Variants in NPR2 observed in about 807,000 individuals in gnomAD.
The protein encoded by NPR2 is atrial natriuretic peptide receptor 2.
In NPR2, 49 loss-of-function variants were observed where a neutral mutation model predicts 120.7. The observed-to-expected ratio is 0.41, with a 90% CI of 0.32 to 0.52. NPR2 has a LOEUF of 0.52. NPR2 is among the 20% of genes least tolerant of loss of function. The pLI is 0.36. For missense variants in NPR2, 931 were observed against 1,362.9 expected (o/e 0.68, Z 4.99); for synonymous variants, 484 against 519.8 (o/e 0.93, Z 0.94).
intron 2 of NPR2, among the ~76,000 whole-genome samples, chr9:35,798,553 G>A (rs1385291420): frequency 6.6e-6 from 1 of 152,152 alleles, no homozygotes; most frequent in Non-Finnish European, 1.5e-5. Flanking sequence ...CTAGTGCAGC[G>A]TATCTCTATG....
At chr9:35,801,445 C>G (rs1828153141) in intron 7 of NPR2, among the ~76,000 whole-genome samples, 198 bp from the exon 8 acceptor site, 1 of 152,212 alleles carries the variant, frequency 6.6e-6, no homozygotes, top group Non-Finnish European at 1.5e-5. Context: ...AGAACTTTCA[C>G]CCCCAGTCTC....
rs1828414301 is a variant in NPR2, at chr9:35,806,874, A to G, written c.2520-149A>G. The G allele has an allele frequency of 1.1e-6, 1 of 870,318 alleles. No individual in the cohort carries two copies. 53.9% of individuals were successfully genotyped at this position (870,318 alleles called of 1,614,324 possible). On this transcript the variant is annotated intron_variant, in intron 16 of 21. Transcript: ENST00000342694. This position sits in a 1 kb window ranked among gnomAD's most constrained non-coding sequence, Gnocchi z 4.6. ...TGTGCCTTACCTTGCATTAGACTGT[A>G]ATGTCTTCCCAGCCACTTTCCTCCC...
intron 3 of NPR2, 115 bp downstream of exon 3, chr9:35,799,846 C>T: frequency 7.3e-7 from 1 of 1,374,016 alleles, no homozygotes; most frequent in Non-Finnish European, 1.0e-6. Flanking sequence ...GGGGTCTCCG[C>T]TTCTGTCCAG....
intron 12 of NPR2, among the ~76,000 whole-genome samples, chr9:35,804,565 A>G (rs1480515180): frequency 6.6e-6 from 1 of 152,186 alleles, no homozygotes; most frequent in Non-Finnish European, 1.5e-5. Flanking sequence ...TCGGAGGCAA[A>G]GGTTTTTCCC....
At chr9:35,801,417 T>C (rs1371149895) in intron 7 of NPR2, among the ~76,000 whole-genome samples, 1 of 152,262 alleles carries the variant, frequency 6.6e-6, no homozygotes, top group African/African-American at 2.4e-5. Context: ...GAATTTTCCA[T>C]TGGTCTTCTT....
Position 35,809,473 on chromosome 9 carries a change from C to A in NPR2, c.*28C>A. ...CCCCATTCTTTCCAAGTCAGATAGTCTTCTGCTGCTGGTACCTGGGTGGGC... is the reference window on the plus strand; with the variant it reads ...CCCCATTCTTTCCAAGTCAGATAGTATTCTGCTGCTGGTACCTGGGTGGGC... On this transcript the variant is annotated 3_prime_UTR_variant, in exon 22 of 22. Transcript: ENST00000342694. This position sits in a 1 kb window ranked among gnomAD's most constrained non-coding sequence, Gnocchi z 4.1. 1 of 1,614,198 alleles carries A rather than the reference C, an allele frequency of 6.2e-7. No homozygotes were observed. Among genetic ancestry groups the A allele is most frequent in the Non-Finnish European group, 8.5e-7 (1 of 1,180,038 alleles).
Position 35,807,405 on chromosome 9 carries a change from G to C in NPR2, c.2712+7G>C. 1 of 1,079,898 alleles carries C rather than the reference G, an allele frequency of 9.3e-7. No homozygotes were observed. Among genetic ancestry groups the C allele is most frequent in the Non-Finnish European group, 1.3e-6 (1 of 790,782 alleles). 66.9% of individuals were successfully genotyped at this position (1,079,898 alleles called of 1,614,324 possible). A position where few individuals can be genotyped will look rare whatever the true frequency, so the allele number is the denominator to read the frequency against. On this transcript the variant is annotated splice_region_variant and intron_variant, in intron 18 of 21. Transcript: ENST00000342694. ...CAACTTTGATGTCTACAAGGTGAGA[G>C]CTGGGGCCGCTGTTCAATAGAAGAC...
intron 2 of NPR2, among the ~76,000 whole-genome samples, chr9:35,796,788 T>G (rs1827957765): frequency 6.6e-6 from 1 of 152,040 alleles, no homozygotes; most frequent in Non-Finnish European, 1.5e-5. Flanking sequence ...CACCTTCCAA[T>G]GGGGAAGCAG....
chr9:35,800,570 G>A lies in NPR2; in HGVS notation c.1218+87G>A. The A allele has an allele frequency of 6.4e-7, 1 of 1,568,436 alleles. No individual in the cohort carries two copies. The highest frequency in any genetic ancestry group is 1.7e-5 in the Admixed American group (1 of 59,574). ...AGTCGGGGCAGAACCAAAACTACTA[G>A]ATGAGGGATTTGTTTTCTCTGCTGG... On this transcript the variant is annotated intron_variant, in intron 5 of 21. Transcript: ENST00000342694. The surrounding 1 kb of genome is among the most constrained non-coding windows in gnomAD (Gnocchi z 4.7).
chr9:35,809,451 C>G lies in NPR2; in HGVS notation c.*6C>G, dbSNP rs1828639047. The G allele has an allele frequency of 3.1e-6, 5 of 1,614,076 alleles. No individual in the cohort carries two copies. Among genetic ancestry groups the G allele is most frequent in the Admixed American group, 3.3e-5 (2 of 60,008 alleles). On this transcript the variant is annotated 3_prime_UTR_variant, in exon 22 of 22. Transcript: ENST00000342694. This position sits in a 1 kb window ranked among gnomAD's most constrained non-coding sequence, Gnocchi z 4.1. The stretch of plus-strand genomic sequence containing the variant: ...GACCTCCTGGACTCCTGTAAACCCC[C>G]ATTCTTTCCAAGTCAGATAGTCTTC...
chr9:35,797,571 T>C (rs1220699638), intron 2 of NPR2, among the ~76,000 whole-genome samples: 1 of 152,084 alleles, frequency 6.6e-6, no homozygotes, highest in Non-Finnish European at 1.5e-5. Flanking sequence ...GGGTGCACAT[T>C]TCCTAGGTGT....
chr9:35,797,598 C>T (rs1245856703), intron 2 of NPR2, among the ~76,000 whole-genome samples: 2 of 152,194 alleles, frequency 1.3e-5, no homozygotes, highest in Non-Finnish European at 2.9e-5. Flanking sequence ...GGCACCCACC[C>T]ACCACTGCAC....
Position 35,808,902 on chromosome 9 carries a change from C to T in NPR2, c.2986+49C>T. Reference sequence around the variant, plus strand: ...ACTGTTGGCCTCAATTTATCTTGCCCTTTTCTTCTTTTCATAATCCCTCCA... The same window carrying T: ...ACTGTTGGCCTCAATTTATCTTGCCTTTTTCTTCTTTTCATAATCCCTCCA... On this transcript the variant is annotated intron_variant, in intron 20 of 21. Coordinates refer to ENST00000342694, the MANE Select transcript of NPR2 (RefSeq NM_003995.4). This position sits in a 1 kb window ranked among gnomAD's most constrained non-coding sequence, Gnocchi z 4.0. 1.7e-6 allele frequency: 2 copies of T among 1,155,006 alleles called. No homozygotes were observed. Among genetic ancestry groups the T allele is most frequent in the Non-Finnish European group, 2.6e-6 (2 of 760,882 alleles). The allele number at this position is 1,155,006 out of a possible 1,614,324, so 71.5% of individuals were successfully genotyped here. A position where few individuals can be genotyped will look rare whatever the true frequency, so the allele number is the denominator to read the frequency against.
Position 35,806,933 on chromosome 9 carries a change from C to T in NPR2, c.2520-90C>T, listed in dbSNP as rs1828421589. ...GAAAAGCCTAGCTTTCTTGTTACAG[C>T]TCATCTCTGCTGCAGCCACATACAC... On this transcript the variant is annotated intron_variant, in intron 16 of 21. Coordinates refer to ENST00000342694, the MANE Select transcript of NPR2 (RefSeq NM_003995.4). The surrounding 1 kb of genome is among the most constrained non-coding windows in gnomAD (Gnocchi z 4.6). The T allele has an allele frequency of 7.0e-7, 1 of 1,424,666 alleles. No individual in the cohort carries two copies. The allele number at this position is 1,424,666 out of a possible 1,614,324, so 88.3% of individuals were successfully genotyped here.
intron 2 of NPR2, 63 bp downstream of exon 2, chr9:35,794,166 C>A: frequency 6.7e-7 from 1 of 1,489,818 alleles, no homozygotes. Flanking sequence ...AATTCTCTCT[C>A]ACAAGACCCT....
chr9:35,792,315 T>C lies in NPR2; in HGVS notation c.-94T>C, dbSNP rs1466357686. The C allele has an allele frequency of 7.4e-7, 1 of 1,355,126 alleles. No homozygotes were observed. Among genetic ancestry groups the C allele is most frequent in the Non-Finnish European group, 1.0e-6 (1 of 1,002,550 alleles). 83.9% of individuals were successfully genotyped at this position (1,355,126 alleles called of 1,614,324 possible). On this transcript the variant is annotated 5_prime_UTR_variant, in exon 1 of 22. Coordinates refer to ENST00000342694, the MANE Select transcript of NPR2 (RefSeq NM_003995.4). The stretch of plus-strand genomic sequence containing the variant: ...CCTACTCCTCCTCTTCCTGGCCCTC[T>C]TCCCCAGGCTCCAGGCTGGGGGGTG...
chr9:35,797,214 C>T (rs527928383), intron 2 of NPR2, among the ~76,000 whole-genome samples: 2 of 152,158 alleles, frequency 1.3e-5, no homozygotes, highest in African/African-American at 4.8e-5. Flanking sequence ...GAGGAATTCA[C>T]CTAGACAGGA....
chr9:35,805,878 C>T lies in NPR2; in HGVS notation c.2096C>T (p.Thr699Ile). The T allele has an allele frequency of 1.9e-6, 3 of 1,614,148 alleles. No homozygotes were observed. Among genetic ancestry groups the T allele is most frequent in the East Asian group, 2.2e-5 (1 of 44,876 alleles). ...PELLSGNPLP[T>I]TGMQKADVYS... ...CTGCTCAGTGGGAACCCCTTGCCAA[C>T]CACAGGCATGCAGAAGGCTGACGTC... The change falls in exon 14 of 22, where the codon ACC becomes ATC. Residue 699 changes from threonine to isoleucine, a missense_variant. Thr to Ile is a moderately conservative substitution (Grantham distance 89). Coordinates refer to ENST00000342694, the MANE Select transcript of NPR2 (RefSeq NM_003995.4). The surrounding 1 kb of genome is among the most constrained non-coding windows in gnomAD (Gnocchi z 4.9).
At position 35,791,888 on chromosome 9, in the gene NPR2, G is replaced by T. The variant is rs1293627351; in HGVS notation, c.-521G>T. Among the ~76,000 whole-genome samples, 1 of 151,804 alleles carries T rather than the reference G, an allele frequency of 6.6e-6. No homozygotes were observed. The highest frequency in any genetic ancestry group is 2.4e-5 in the African/African-American group (1 of 41,324). On this transcript the variant is annotated 5_prime_UTR_variant, in exon 1 of 22. Transcript: ENST00000342694. ...TGCCCTCCGGCCCAGGCCTCGCTTC[G>T]CTCCCCGCCTGCCCATGATCCCAGT...
Sources: allele counts gnomAD v4.1 joint callset (sites outside exome capture counted in the v4.1 genomes callset), GRCh38; gene constraint gnomAD v4.1.1; non-coding constraint Gnocchi (gnomAD v3.1); transcripts MANE v1.5; gene names NCBI Gene and HGNC (gene_info 2026-07-23, HGNC 2026-07-21).